The following R3HDM1 variants were observed in gnomAD, a reference collection of about 807,000 sequenced individuals.
R3HDM1 encodes R3H domain containing 1, also known as R3H domain-containing protein 1.
Under a neutral mutation model 141.1 loss-of-function variants are expected in R3HDM1, and 46 were observed. That is an observed-to-expected ratio of 0.33 (90% CI 0.26 to 0.42). R3HDM1 has a LOEUF of 0.42. Among genes scored for constraint, R3HDM1 ranks in the 10% least tolerant of loss-of-function variants. The probability of loss-of-function intolerance (pLI) is 1.00; values close to 1 mark genes in which losing one functional copy is unlikely to be tolerated. For missense variants in R3HDM1, 1,184 were observed against 1,368.3 expected (o/e 0.87, Z 2.12); for synonymous variants, 435 against 472.9 (o/e 0.92, Z 1.04).
In R3HDM1 at chr2:135,709,537, G is replaced by A. The variant is rs1261898690; in HGVS notation, c.2563+1G>A. 1 of 1,613,482 alleles carries A rather than the reference G, an allele frequency of 6.2e-7. No individual in the cohort carries two copies. The highest frequency in any genetic ancestry group is 8.5e-7 in the Non-Finnish European group (1 of 1,179,712). ...CAGCTTCAAGGCCACCAATGTACAG[G>A]TATAAAGAAATCAGTGAAAATAAGA... On this transcript the variant is annotated splice_donor_variant, in intron 22 of 26. Transcript: ENST00000683871. LOFTEE classifies it high-confidence loss of function.
At position 135,651,308 on chromosome 2, in the gene R3HDM1, G is replaced by C. The variant is rs78703601; in HGVS notation, c.1726-422G>C. 628 of 984,314 alleles carry C rather than the reference G, an allele frequency of 6.4e-4. 5 individuals carry two copies. In the African/African-American group the frequency reaches 0.01, roughly 16 times the overall value. The allele number at this position is 984,314 out of a possible 1,614,324, so 61.0% of individuals were successfully genotyped here. ...CATTTTGCCTTCTAGGAAGAGGGGA[G>C]ATAGTTTAAAGCAAATACTAATTAG... On this transcript the variant is annotated intron_variant, in intron 17 of 26. Transcript: ENST00000683871.
intron 7 of R3HDM1, among the ~76,000 whole-genome samples, chr2:135,629,008 T>C (rs1355893113): frequency 4.6e-5 from 7 of 151,668 alleles, no homozygotes; most frequent in African/African-American, 1.7e-4. Flanking sequence ...AAATACTGTC[T>C]CACAATAACC....
At chr2:135,655,664 G>A (rs530110639) in intron 18 of R3HDM1, among the ~76,000 whole-genome samples, 59 of 151,884 alleles carry the variant, frequency 3.9e-4, no homozygotes, top group Admixed American at 3.5e-3. Context: ...CCGCCACCAC[G>A]CCCGGCTAAT....
intron 1 of R3HDM1, among the ~76,000 whole-genome samples, chr2:135,578,062 T>A (rs1431383990): frequency 1.3e-5 from 2 of 152,162 alleles, no homozygotes; most frequent in East Asian, 3.8e-4. Flanking sequence ...AGGAATCTTC[T>A]CTAAAGAAGT....
At chr2:135,534,112 T>A (rs1695530605) in intron 1 of R3HDM1, among the ~76,000 whole-genome samples, 1 of 152,226 alleles carries the variant, frequency 6.6e-6, no homozygotes, top group East Asian at 1.9e-4. Context: ...TTATTTTTGA[T>A]TAGCTTATGG....
In R3HDM1 at chr2:135,638,916, G is replaced by A; in HGVS notation, c.1013G>A (p.Gly338Glu). 1 of 1,612,978 alleles carries A rather than the reference G, an allele frequency of 6.2e-7. No individual in the cohort carries two copies. The highest frequency in any genetic ancestry group is 8.5e-7 in the Non-Finnish European group (1 of 1,179,640). The change falls in exon 14 of 27, where the codon GGG becomes GAG. Residue 338 changes from glycine to glutamate, a missense_variant. Physicochemically the swap from Gly to Glu is moderately conservative, Grantham distance 98 (BLOSUM62 -2). This residue lies in a region of R3HDM1 where 240 missense variants were observed against 312.3 expected (regional missense o/e 0.77). Transcript: ENST00000683871. ...TACAGAGTTAATAAAGATGCTTCAG[G>A]GAGATCTACAAATAGCCATCAAAGC... is the stretch of plus-strand genomic sequence containing the variant. ...QIFRVNKDAS[G>E]RSTNSHQSST...
intron 1 of R3HDM1, among the ~76,000 whole-genome samples, chr2:135,579,147 G>A (rs993219822): frequency 4.6e-5 from 7 of 152,224 alleles, no homozygotes; most frequent in African/African-American, 1.2e-4. Context: ...TGAGTCTGGC[G>A]CAAGAATAAT....
At chr2:135,542,574 G>A (rs1354628333) in intron 1 of R3HDM1, among the ~76,000 whole-genome samples, 1 of 151,948 alleles carries the variant, frequency 6.6e-6, no homozygotes, top group Non-Finnish European at 1.5e-5. Flanking sequence ...GCTATAATAT[G>A]GTTTTGTCAA....
chr2:135,543,183 A>G (rs961381547), intron 1 of R3HDM1: 7 of 653,470 alleles, frequency 1.1e-5, no homozygotes, highest in South Asian at 6.9e-5. Context: ...ATTTATTTTT[A>G]TACGTGAATA....
In R3HDM1 at chr2:135,638,671, A is replaced by G; in HGVS notation, c.941+16A>G. 6.2e-7 allele frequency: 1 copy of G among 1,610,958 alleles called. No individual in the cohort carries two copies. The highest frequency in any genetic ancestry group is 8.5e-7 in the Non-Finnish European group (1 of 1,177,228). ...TTGACAAAAGGTGAGGGAATTTTTAACATCTGTTTTGGTAATTGTCTGACT... is the reference window on the plus strand; with the variant it reads ...TTGACAAAAGGTGAGGGAATTTTTAGCATCTGTTTTGGTAATTGTCTGACT... On this transcript the variant is annotated intron_variant, in intron 12 of 26. Transcript: ENST00000683871.
At chr2:135,722,149 C>A in intron 25 of R3HDM1, 143 bp downstream of exon 25, 1 of 781,942 alleles carries the variant, frequency 1.3e-6, no homozygotes, top group Non-Finnish European at 2.1e-6. Flanking sequence ...CAGATTATCA[C>A]TGGCTCCATC....
intron 1 of R3HDM1, among the ~76,000 whole-genome samples, chr2:135,592,851 G>A (rs1188178793): frequency 3.3e-5 from 5 of 151,978 alleles, no homozygotes; most frequent in Non-Finnish European, 5.9e-5. Flanking sequence ...AAACTCCTGA[G>A]CCCAAGGGAT....
chr2:135,594,067 T>C (rs1480426556), intron 1 of R3HDM1, among the ~76,000 whole-genome samples: 1 of 152,192 alleles, frequency 6.6e-6, no homozygotes, highest in Non-Finnish European at 1.5e-5. Flanking sequence ...CTCAGAGAAG[T>C]TAGGCAAGCC....
intron 1 of R3HDM1, among the ~76,000 whole-genome samples, chr2:135,582,187 A>G (rs914064171): frequency 8.5e-5 from 13 of 152,098 alleles, no homozygotes; most frequent in Non-Finnish European, 1.9e-4. Context: ...AAAATTAGCC[A>G]GGCATGGTGG....
In R3HDM1 at chr2:135,715,661, C is replaced by T. The variant is rs1208955395; in HGVS notation, c.2848C>T (p.Pro950Ser). 1 of 1,613,676 alleles carries T rather than the reference C, an allele frequency of 6.2e-7. No homozygotes were observed. Among genetic ancestry groups the T allele is most frequent in the South Asian group, 1.1e-5 (1 of 90,968 alleles). ...RPSGPPLSIM[P>S]QFSRPFVPGQ... is the part of the protein sequence containing the mutation. ...CTCTGGACCACCACTTTCCATCATG[C>T]CCCAATTTTCTAGACCTTTTGTCCC... The change falls in exon 24 of 27, where the codon CCC (proline) becomes TCC (serine). Residue 950 changes from proline (P) to serine (S), a missense_variant. This residue lies in a region of R3HDM1 where 182 missense variants were observed against 252.6 expected (regional missense o/e 0.72). Transcript: ENST00000683871.
chr2:135,637,670 T>C (rs1329635267), intron 11 of R3HDM1, among the ~76,000 whole-genome samples: 1 of 152,112 alleles, frequency 6.6e-6, no homozygotes, highest in African/African-American at 2.4e-5. Context: ...AGCCAGATTC[T>C]AGCCTGAGTG....
chr2:135,646,633 A>G (rs1225675429), intron 16 of R3HDM1, among the ~76,000 whole-genome samples: 1 of 151,360 alleles, frequency 6.6e-6, no homozygotes, highest in Non-Finnish European at 1.5e-5. Flanking sequence ...AGATCACCTG[A>G]GGTCAGGAGT....
At chr2:135,567,903 CTTTTT>C (rs562748072) in intron 1 of R3HDM1, among the ~76,000 whole-genome samples, 1 of 73,820 alleles carries the variant, frequency 1.4e-5, no homozygotes, top group Non-Finnish European at 2.6e-5. Context: ...CCACACCTGG[CTTTTT>C]TTTTTTTTTT....
chr2:135,536,882 C>T (rs879640853), intron 1 of R3HDM1: 5 of 213,112 alleles, frequency 2.3e-5, no homozygotes, highest in East Asian at 3.7e-4. Flanking sequence ...CTGTGAACTG[C>T]GCATGCAAGG....
Sources: allele counts gnomAD v4.1 joint callset (sites outside exome capture counted in the v4.1 genomes callset), GRCh38; gene constraint gnomAD v4.1.1; regional missense constraint gnomAD v4.1.1; transcripts MANE v1.5; gene names NCBI Gene and HGNC (gene_info 2026-07-23, HGNC 2026-07-21).